Variants in PRKCB observed in about 807,000 individuals in gnomAD.
PRKCB encodes the protein protein kinase C beta, also known as protein kinase C beta type.
PRKCB carries 13 observed loss-of-function variants against 81.5 expected under a neutral mutation model. The ratio of observed to expected loss-of-function variants is 0.16; its 90% CI spans 0.10 to 0.25. The LOEUF (loss-of-function observed/expected upper bound fraction) is 0.25. Ranked by LOEUF, PRKCB falls within the 10% of genes least tolerant of loss-of-function variation. The pLI is 1.00. For missense variants in PRKCB, 509 were observed against 875.7 expected (o/e 0.58, Z 5.29); for synonymous variants, 335 against 321.4 (o/e 1.04, Z -0.45).
chr16:24,024,357 A>G (rs565063049), intron 3 of PRKCB, among the ~76,000 whole-genome samples: 96 of 152,334 alleles, frequency 6.3e-4, no homozygotes, highest in African/African-American at 2.2e-3. Context: ...GTTGCTGAGC[A>G]AAGAGTACAA....
At chr16:24,011,510 T>C (rs975679857) in intron 3 of PRKCB, among the ~76,000 whole-genome samples, 1 of 152,150 alleles carries the variant, frequency 6.6e-6, no homozygotes, top group Non-Finnish European at 1.5e-5. Context: ...TTCATTGTTT[T>C]GTTTTGTTTT....
intron 5 of PRKCB, among the ~76,000 whole-genome samples, chr16:24,070,477 A>G (rs1966094019): frequency 6.6e-6 from 1 of 152,216 alleles, no homozygotes; most frequent in African/African-American, 2.4e-5. Flanking sequence ...ATGACATTTA[A>G]AAATCATTTA....
At chr16:24,168,926 G>A (rs1323603913) in intron 10 of PRKCB, among the ~76,000 whole-genome samples, 1 of 151,550 alleles carries the variant, frequency 6.6e-6, no homozygotes, top group South Asian at 2.1e-4. Context: ...ATCAATTAAA[G>A]TGAGATACAA....
chr16:23,955,097 G>A (rs999301547), intron 2 of PRKCB, among the ~76,000 whole-genome samples: 1 of 152,060 alleles, frequency 6.6e-6, no homozygotes, highest in Admixed American at 6.5e-5. Flanking sequence ...ACAGGTGTGT[G>A]TGTAATCCCA....
At chr16:24,012,627 T>C (rs576924489) in intron 3 of PRKCB, among the ~76,000 whole-genome samples, 10 of 152,384 alleles carry the variant, frequency 6.6e-5, no homozygotes, top group African/African-American at 9.6e-5. Context: ...TAAATACTCT[T>C]TGAAGTGGCT....
At chr16:24,079,204 A>C (rs1225978790) in intron 5 of PRKCB, among the ~76,000 whole-genome samples, 1 of 152,114 alleles carries the variant, frequency 6.6e-6, no homozygotes, top group Non-Finnish European at 1.5e-5. Flanking sequence ...TGATAATCCC[A>C]TCATCCTTTG....
chr16:24,031,840 G>A (rs1175073604), intron 3 of PRKCB: 12 of 265,828 alleles, frequency 4.5e-5, no homozygotes, highest in Non-Finnish European at 7.2e-6. Flanking sequence ...CCTACTACAG[G>A]CAGGAGCCTG....
chr16:23,882,530 T>A (rs12708654), intron 2 of PRKCB, among the ~76,000 whole-genome samples: 119,541 of 152,212 alleles, frequency 0.79, 47,066 homozygotes, highest in East Asian at 0.98. Flanking sequence ...GAGCCATTGC[T>A]CCTGGGATGA....
rs766813741 is a variant in PRKCB, at chr16:24,020,974, CTTTTTCTT to C, written c.289-11160_289-11153del. On this transcript the variant is annotated intron_variant, in intron 3 of 16. Transcript: ENST00000643927. Reference sequence around the variant, plus strand: ...CCCATTCAGACTGAGAGAGACTTTTCTTTTTCTTTCTTTCTTTCTTTCTTTCTTTCTTT... The same window carrying C: ...CCCATTCAGACTGAGAGAGACTTTTCTCTTTCTTTCTTTCTTTCTTTCTTT... 6.4e-3 allele frequency among the ~76,000 whole-genome samples: 620 copies of C among 96,520 alleles called. 7 individuals are homozygous for C. The highest frequency in any genetic ancestry group is 0.016 in the Middle Eastern group (3 of 184). 63.3% of individuals were successfully genotyped at this position (96,520 alleles called of 152,430 possible). A position where few individuals can be genotyped will look rare whatever the true frequency, so the allele number is the denominator to read the frequency against.
chr16:24,137,473 G>A (rs1966869054), intron 9 of PRKCB, among the ~76,000 whole-genome samples: 2 of 152,174 alleles, frequency 1.3e-5, no homozygotes, highest in Non-Finnish European at 2.9e-5. Context: ...ACAAGTGTGA[G>A]TCACGTCGCT....
At chr16:23,911,917 C>T (rs565866909) in intron 2 of PRKCB, among the ~76,000 whole-genome samples, 28 of 149,076 alleles carry the variant, frequency 1.9e-4, no homozygotes, top group African/African-American at 6.0e-4. Flanking sequence ...CTGCAACCTC[C>T]GCCTTCTGGG....
At chr16:23,999,044 A>T (rs1450889376) in intron 3 of PRKCB, among the ~76,000 whole-genome samples, 1 of 152,240 alleles carries the variant, frequency 6.6e-6, no homozygotes, top group African/African-American at 2.4e-5. Context: ...ACCAAGGATG[A>T]TGAATTGGTC....
chr16:23,869,571 T>G (rs569440556), intron 2 of PRKCB, among the ~76,000 whole-genome samples: 38 of 152,362 alleles, frequency 2.5e-4, no homozygotes, highest in African/African-American at 8.4e-4. Flanking sequence ...TCTGTGTCTG[T>G]GTGCTGTCTG....
At chr16:24,044,467 A>G (rs935470414) in intron 5 of PRKCB, among the ~76,000 whole-genome samples, 2 of 152,222 alleles carry the variant, frequency 1.3e-5, no homozygotes, top group Non-Finnish European at 2.9e-5. Flanking sequence ...TTCAAGCTGT[A>G]AGATTATGAT....
chr16:23,974,931 A>G (rs1964605061), intron 2 of PRKCB, among the ~76,000 whole-genome samples: 1 of 152,146 alleles, frequency 6.6e-6, no homozygotes, highest in Non-Finnish European at 1.5e-5. Context: ...CCCAGGGAGA[A>G]CAGTGTGATT....
intron 2 of PRKCB, among the ~76,000 whole-genome samples, chr16:23,840,917 A>G (rs1207937026): frequency 2.0e-5 from 3 of 152,138 alleles, no homozygotes; most frequent in African/African-American, 7.2e-5. Flanking sequence ...TCTATTTCTT[A>G]TAAAACCACT....
At chr16:23,894,467 C>T (rs17753569) in intron 2 of PRKCB, among the ~76,000 whole-genome samples, 13,236 of 152,168 alleles carry the variant, frequency 0.087, 615 homozygotes, top group Middle Eastern at 0.18. Flanking sequence ...ACATGCATTT[C>T]CAAATTCACT....
At chr16:24,203,477 G>A (rs1260144182) in intron 16 of PRKCB, among the ~76,000 whole-genome samples, 1 of 152,030 alleles carries the variant, frequency 6.6e-6, no homozygotes, top group East Asian at 1.9e-4. Context: ...ACCTCCAAAA[G>A]TTCCCACCTC....
intron 9 of PRKCB, among the ~76,000 whole-genome samples, chr16:24,150,782 A>G (rs892492625): frequency 4.6e-5 from 7 of 152,292 alleles, no homozygotes; most frequent in Admixed American, 4.6e-4. Context: ...CAAAGCCTAT[A>G]ATATTTCCTG....
Sources: allele counts gnomAD v4.1 joint callset (sites outside exome capture counted in the v4.1 genomes callset), GRCh38; gene constraint gnomAD v4.1.1; transcripts MANE v1.5; gene names NCBI Gene and HGNC (gene_info 2026-07-23, HGNC 2026-07-21).